APBB2: variants seen among roughly 807,000 people sequenced by gnomAD.
APBB2 encodes the protein Fe65-like 1.
APBB2 carries 38 observed loss-of-function variants against 82.5 expected under a neutral mutation model. The ratio of observed to expected loss-of-function variants is 0.46; its 90% CI spans 0.36 to 0.60. The LOEUF (loss-of-function observed/expected upper bound fraction) is 0.60. APBB2 is among the 20% of genes least tolerant of loss of function. The pLI is 0.00. For synonymous variants in APBB2, 341 were observed against 368.2 expected (o/e 0.93, Z 0.85); for missense variants, 772 against 972.3 (o/e 0.79, Z 2.74).
chr4:40,919,290 AG>A (rs1358350700), intron 10 of APBB2, among the ~76,000 whole-genome samples: 6 of 152,218 alleles, frequency 3.9e-5, no homozygotes, highest in African/African-American at 1.4e-4. Context: ...TGTCCATAAG[AG>A]GAGGCGACAA....
chr4:41,134,724 G>T (rs937750260), intron 2 of APBB2, among the ~76,000 whole-genome samples: 1 of 152,114 alleles, frequency 6.6e-6, no homozygotes, highest in African/African-American at 2.4e-5. Flanking sequence ...CCCCCGCCTT[G>T]AGCCACTCCC....
chr4:40,822,197 A>T, intron 16 of APBB2, 147 bp from the exon 17 acceptor site: 2 of 886,446 alleles, frequency 2.3e-6, no homozygotes, highest in Non-Finnish European at 3.4e-6. Flanking sequence ...AACCTTGCCC[A>T]AATGTCTGAA....
chr4:40,950,429 T>C (rs1789771604), intron 6 of APBB2, among the ~76,000 whole-genome samples: 1 of 152,142 alleles, frequency 6.6e-6, no homozygotes, highest in Non-Finnish European at 1.5e-5. Flanking sequence ...CAGAATGAAT[T>C]GGCCAGGCAC....
intron 6 of APBB2, among the ~76,000 whole-genome samples, chr4:40,955,378 G>A (rs1354163245): frequency 2.0e-5 from 3 of 152,244 alleles, no homozygotes; most frequent in African/African-American, 4.8e-5. Context: ...GTGATAAGGC[G>A]TAAAGCCCCA....
intron 5 of APBB2, among the ~76,000 whole-genome samples, chr4:41,017,271 T>C (rs1182268251): frequency 2.0e-5 from 3 of 152,164 alleles, no homozygotes; most frequent in Non-Finnish European, 2.9e-5. Context: ...AATGGTATCA[T>C]GTGGAGGCAA....
At chr4:40,997,125 CCCTAATT>C (rs1212003598) in intron 6 of APBB2, among the ~76,000 whole-genome samples, 1 of 152,146 alleles carries the variant, frequency 6.6e-6, no homozygotes, top group Non-Finnish European at 1.5e-5. Flanking sequence ...CCTTACACCT[CCCTAATT>C]CCTGTTTTCC....
intron 12 of APBB2, among the ~76,000 whole-genome samples, chr4:40,861,850 G>GAT (rs1253080487): frequency 6.6e-6 from 1 of 152,036 alleles, no homozygotes; most frequent in Non-Finnish European, 1.5e-5. Context: ...TGTTACTCAG[G>GAT]ATTATGATAC....
chr4:41,165,474 G>GT (rs1294208242), intron 1 of APBB2, among the ~76,000 whole-genome samples: 2 of 152,110 alleles, frequency 1.3e-5, no homozygotes, highest in East Asian at 1.9e-4. Flanking sequence ...CTCAGAATCG[G>GT]TTTTTTCTCT....
rs1578019377 is a variant in APBB2, at chr4:40,858,039, A to G, written c.1530-27462T>C. The stretch of plus-strand genomic sequence containing the variant: ...CCTTTTGTAATCCCTACCTCTTTTA[A>G]GACACCTTTTGTTTATAGCTGACTT... On this transcript the variant is annotated intron_variant, in intron 12 of 17. Coordinates refer to ENST00000508593, the MANE Select transcript of APBB2 (RefSeq NM_004307.2). Among the ~76,000 whole-genome samples, 7 of 152,226 alleles carry G rather than the reference A, an allele frequency of 4.6e-5. 1 individual carries two copies. The Middle Eastern group carries it at 0.02, about 444-fold the overall frequency.
intron 3 of APBB2, among the ~76,000 whole-genome samples, chr4:41,082,891 G>A (rs566970488): frequency 2.0e-5 from 3 of 152,184 alleles, no homozygotes; most frequent in East Asian, 1.9e-4. Context: ...GGCTGTGCAC[G>A]GTGGCTCACT....
At chr4:40,883,345 G>T (rs1293347994) in intron 12 of APBB2, among the ~76,000 whole-genome samples, 1 of 152,082 alleles carries the variant, frequency 6.6e-6, no homozygotes, top group Non-Finnish European at 1.5e-5. Context: ...CCAGCACTTT[G>T]GGAGGCCGAG....
intron 4 of APBB2, among the ~76,000 whole-genome samples, chr4:41,055,766 G>C (rs940277101): frequency 2.6e-5 from 4 of 152,208 alleles, no homozygotes; most frequent in African/African-American, 9.6e-5. Flanking sequence ...TATAGCTCCT[G>C]TGTGCCTCAG....
chr4:40,813,408 A>G lies in APBB2; in HGVS notation c.*2684T>C, dbSNP rs1254334680. On this transcript the variant is annotated 3_prime_UTR_variant, in exon 18 of 18. Coordinates refer to ENST00000508593, the MANE Select transcript of APBB2 (RefSeq NM_004307.2). Reference sequence around the variant, plus strand: ...TGTTTACCGAATCACAGATCTAAAGAATGCATAGATAACTGAAGTGTCACT... The same window carrying G: ...TGTTTACCGAATCACAGATCTAAAGGATGCATAGATAACTGAAGTGTCACT... 3 of 152,242 alleles carry G rather than the reference A, an allele frequency of 2.0e-5. No homozygotes were observed. Among genetic ancestry groups the G allele is most frequent in the African/African-American group, 7.2e-5 (3 of 41,470 alleles). 9.4% of individuals were successfully genotyped at this position (152,242 alleles called of 1,614,324 possible).
Position 40,828,581 on chromosome 4 carries a change from C to T in APBB2, c.1645-1362G>A, listed in dbSNP as rs57120907. Among the ~76,000 whole-genome samples the T allele has an allele frequency of 1.4e-3, 216 of 150,560 alleles. 3 individuals carry two copies. The East Asian group carries it at 0.02, about 14-fold the overall frequency. On this transcript the variant is annotated intron_variant, in intron 13 of 17. Transcript: ENST00000508593. ...AATATAAGCTCCATAAGGGCAAGGA[C>T]TTTTTTTTTTCTGTTTTGGTCATTG...
chr4:41,016,179 T>G (rs1243048737), intron 5 of APBB2, among the ~76,000 whole-genome samples: 1 of 152,214 alleles, frequency 6.6e-6, no homozygotes, highest in African/African-American at 2.4e-5. Context: ...CTAAAAGGCA[T>G]GGCAAAACAT....
intron 12 of APBB2, among the ~76,000 whole-genome samples, chr4:40,871,129 C>T (rs543074392): frequency 6.6e-6 from 1 of 152,180 alleles, no homozygotes; most frequent in South Asian, 2.1e-4. Context: ...TCTGTGAAGA[C>T]CCTACTACCC....
intron 10 of APBB2, among the ~76,000 whole-genome samples, chr4:40,910,171 T>C (rs1188724797): frequency 6.6e-6 from 1 of 151,392 alleles, no homozygotes; most frequent in African/African-American, 2.4e-5. Flanking sequence ...TTTTACCATG[T>C]TGGCCAGGCT....
intron 4 of APBB2, among the ~76,000 whole-genome samples, chr4:41,037,885 T>C (rs1719863147): frequency 6.6e-6 from 1 of 152,136 alleles, no homozygotes; most frequent in Admixed American, 6.5e-5. Context: ...GTGTGCTGCA[T>C]GCTAGAAATT....
chr4:41,157,487 A>G (rs1201966498), intron 1 of APBB2, among the ~76,000 whole-genome samples: 1 of 152,206 alleles, frequency 6.6e-6, no homozygotes, highest in East Asian at 1.9e-4. Flanking sequence ...CAAACGCTCT[A>G]CCGATAGGTG....
Sources: allele counts gnomAD v4.1 joint callset (sites outside exome capture counted in the v4.1 genomes callset), GRCh38; gene constraint gnomAD v4.1.1; transcripts MANE v1.5; gene names NCBI Gene and HGNC (gene_info 2026-07-23, HGNC 2026-07-21).